Variants in RIC3 observed in about 807,000 individuals in gnomAD.
RIC3 encodes RIC3 acetylcholine receptor chaperone.
In RIC3, 28 loss-of-function variants were observed where a neutral mutation model predicts 27.3. That is an observed-to-expected ratio of 1.02 (90% CI 0.76 to 1.41). RIC3 has a LOEUF of 1.41. Ranked by LOEUF, RIC3 falls within the 40% of genes most tolerant of loss-of-function variation. The pLI, the probability that RIC3 is intolerant of heterozygous loss-of-function variation, is 0.00. For missense variants in RIC3, 501 were observed against 444.7 expected (o/e 1.13, Z -1.14); for synonymous variants, 184 against 160.4 (o/e 1.15, Z -1.11).
downstream of RIC3, chr11:8,101,463 T>C (rs771298446): frequency 6.4e-7 from 1 of 1,557,066 alleles, no homozygotes; most frequent in Non-Finnish European, 8.6e-7. Flanking sequence ...CTTTTCTCTG[T>C]CTGTGCCTGT....
chr11:8,122,321 T>C (rs960602533), intron 5 of RIC3, among the ~76,000 whole-genome samples: 1 of 152,224 alleles, frequency 6.6e-6, no homozygotes, highest in Non-Finnish European at 1.5e-5. Flanking sequence ...ACGTCAATTA[T>C]AAATGGAATC....
rs201645842 is a variant in RIC3, at chr11:8,121,719, C to CAA, written c.670+4938_670+4939dup. Reference sequence around the variant, plus strand: ...CAAAAAAGCAAGCAAGCCTCTGTCTCAAAAAAAATAATAATAACTTTTTTC... The same window carrying CAA: ...CAAAAAAGCAAGCAAGCCTCTGTCTCAAAAAAAAAATAATAATAACTTTTTTC... On this transcript the variant is annotated intron_variant, in intron 5 of 5. Coordinates refer to ENST00000309737, the MANE Select transcript of RIC3 (RefSeq NM_001206671.4). 5.9e-5 allele frequency among the ~76,000 whole-genome samples: 9 copies of CAA among 151,388 alleles called. No homozygotes were observed. The East Asian group carries it at 1.2e-3, about 19-fold the overall frequency.
Position 8,131,526 on chromosome 11 carries a change from T to C in RIC3, c.522-4719A>G, listed in dbSNP as rs541624348. On this transcript the variant is annotated intron_variant, in intron 4 of 5. Coordinates refer to ENST00000309737, the MANE Select transcript of RIC3 (RefSeq NM_001206671.4). ...TCTATGAGATATGTCCAGTGGGCTC[T>C]ATATATAGAGGTCAGGAAATGAAGT... Among the ~76,000 whole-genome samples, 19 of 152,312 alleles carry C rather than the reference T, an allele frequency of 1.2e-4. No individual in the cohort carries two copies. The South Asian group carries it at 1.5e-3, about 12-fold the overall frequency.
chr11:8,165,792 T>G lies in RIC3; in HGVS notation c.124+3074A>C, dbSNP rs199658981. Among the ~76,000 whole-genome samples, 542 of 146,882 alleles carry G rather than the reference T, an allele frequency of 3.7e-3. 6 individuals carry two copies. Among genetic ancestry groups the G allele is most frequent in the East Asian group, 4.6e-3 (24 of 5,168 alleles). Reference sequence around the variant, plus strand: ...TTTTTTTTTTGTTTTGTTTTGTTTTTTTTTTTGGCAGAGTCTCACTGTGTT... The same window carrying G: ...TTTTTTTTTTGTTTTGTTTTGTTTTGTTTTTTGGCAGAGTCTCACTGTGTT... On this transcript the variant is annotated intron_variant, in intron 1 of 5. Transcript: ENST00000309737.
chr11:8,144,565 C>CT (rs1173758386), intron 1 of RIC3, among the ~76,000 whole-genome samples: 1 of 150,820 alleles, frequency 6.6e-6, no homozygotes, highest in Non-Finnish European at 1.5e-5. Flanking sequence ...AATAGGAACA[C>CT]TTTTACACTG....
At chr11:8,101,856 G>GACACGGCGT, downstream of RIC3, 2 of 482,858 alleles carry the variant, frequency 4.1e-6, no homozygotes, top group South Asian at 3.7e-5. Flanking sequence ...TTCTTTCCAT[G>GACACGGCGT]CCACGAGATC....
chr11:8,098,794 C>T, the RIC3 span: 1 of 1,614,098 alleles, frequency 6.2e-7, no homozygotes, highest in Non-Finnish European at 8.5e-7. Context: ...CTGTTTATGA[C>T]AATGGAGTCA....
At chr11:8,167,473 C>G (rs1484809026) in intron 1 of RIC3, among the ~76,000 whole-genome samples, 1 of 152,014 alleles carries the variant, frequency 6.6e-6, no homozygotes, top group African/African-American at 2.4e-5. Context: ...ATAAAGAGAA[C>G]TGAAGGTACA....
intron 5 of RIC3, among the ~76,000 whole-genome samples, chr11:8,123,823 A>C (rs1946718333): frequency 6.6e-6 from 1 of 151,826 alleles, no homozygotes; most frequent in Admixed American, 6.6e-5. Flanking sequence ...AAGATTGCTT[A>C]AGAGCAGGAG....
At chr11:8,101,622 G>T (rs749040760), downstream of RIC3, 3 of 1,614,116 alleles carry the variant, frequency 1.9e-6, no homozygotes, top group Non-Finnish European at 1.7e-6. Context: ...GCGAGTAGAG[G>T]CCTCTTCGTG....
At position 8,140,133 on chromosome 11, in the gene RIC3, G is replaced by A. The variant is rs781754422; in HGVS notation, c.185C>T (p.Thr62Ile). ...HHHQAPSDGQ[T>I]PGARFQRSHL... ...AGACCTCTGGAAACGAGCCCCAGGA[G>A]TCTGGCCATCTGAGGGTGCCTGGTG... Residue 62 changes from threonine to isoleucine, a missense_variant, in exon 2 of 6, where the codon ACT (threonine) becomes ATT (isoleucine). Thr to Ile is a moderately conservative substitution (Grantham distance 89). Coordinates refer to ENST00000309737, the MANE Select transcript of RIC3 (RefSeq NM_001206671.4). 1.9e-6 allele frequency: 3 copies of A among 1,614,022 alleles called. No individual in the cohort carries two copies. The highest frequency in any genetic ancestry group is 1.7e-5 in the Admixed American group (1 of 59,974).
intron 1 of RIC3, among the ~76,000 whole-genome samples, chr11:8,148,252 T>C (rs1359079233): frequency 1.4e-5 from 2 of 145,618 alleles, no homozygotes; most frequent in East Asian, 3.9e-4. Context: ...AAGCACAGCT[T>C]TAGACAGTAA....
Position 8,110,902 on chromosome 11 carries a change from T to A in RIC3, c.906A>T (p.Thr302=). 6.2e-7 allele frequency: 1 copy of A among 1,614,216 alleles called. No homozygotes were observed. Among genetic ancestry groups the A allele is most frequent in the Non-Finnish European group, 8.5e-7 (1 of 1,180,034 alleles). ...CGTCTTCATGAAAACAGCAGGAACA[T>A]GTTTCTGGCTTTGGATCACACGAGG... ...SVTSCDPKPE[T]CSCCFHEDED... is the part of the protein sequence containing the mutation. Residue 302 remains threonine (T), a synonymous_variant, in exon 6 of 6, where the codon ACA becomes ACT. Transcript: ENST00000309737.
chr11:8,096,184 T>C, the RIC3 span, among the ~76,000 whole-genome samples: 2 of 152,152 alleles, frequency 1.3e-5, no homozygotes, highest in Non-Finnish European at 2.9e-5. Context: ...ACAGCTGAGA[T>C]AGAAGCTCAG....
chr11:8,120,525 C>G (rs11041751), intron 5 of RIC3, among the ~76,000 whole-genome samples: 1 of 151,876 alleles, frequency 6.6e-6, no homozygotes, highest in Non-Finnish European at 1.5e-5. Flanking sequence ...CGGGACCTGT[C>G]GGAGGATGGA....
At chr11:8,139,814 A>C (rs1948840485) in intron 2 of RIC3, 153 bp downstream of exon 2, 1 of 684,414 alleles carries the variant, frequency 1.5e-6, no homozygotes, top group African/African-American at 1.8e-5. Context: ...AATAATGGCT[A>C]TCCTAAGTAC....
At chr11:8,112,364 G>T (rs1564962162) in intron 5 of RIC3, among the ~76,000 whole-genome samples, 1 of 151,454 alleles carries the variant, frequency 6.6e-6, no homozygotes, top group Non-Finnish European at 1.5e-5. Flanking sequence ...TGCAATCTCG[G>T]TTCACTGCAA....
intron 5 of RIC3, among the ~76,000 whole-genome samples, chr11:8,117,679 C>T (rs1277326928): frequency 6.6e-6 from 1 of 152,208 alleles, no homozygotes; most frequent in East Asian, 1.9e-4. Context: ...AAATTGCTAA[C>T]AGAGTACATT....
At chr11:8,136,660 C>T (rs1000983727) in intron 4 of RIC3, among the ~76,000 whole-genome samples, 1 of 152,142 alleles carries the variant, frequency 6.6e-6, no homozygotes, top group East Asian at 1.9e-4. Flanking sequence ...CTGGCACAGT[C>T]GACACAAACA....
Sources: allele counts gnomAD v4.1 joint callset (sites outside exome capture counted in the v4.1 genomes callset), GRCh38; gene constraint gnomAD v4.1.1; transcripts MANE v1.5; gene names NCBI Gene and HGNC (gene_info 2026-07-23, HGNC 2026-07-21).